SKAP2: variants seen among roughly 807,000 people sequenced by gnomAD.
SKAP2 encodes src kinase-associated phosphoprotein 2.
SKAP2 carries 28 observed loss-of-function variants against 54.9 expected under a neutral mutation model. That is an observed-to-expected ratio of 0.51 (90% CI 0.38 to 0.70). The LOEUF is 0.70. Among genes scored for constraint, SKAP2 ranks in the 30% least tolerant of loss-of-function variants. The pLI, the probability that SKAP2 is intolerant of heterozygous loss-of-function variation, is 0.00. For synonymous variants in SKAP2, 137 were observed against 134.3 expected (o/e 1.02, Z -0.14); for missense variants, 356 against 424.1 (o/e 0.84, Z 1.41).
intron 4 of SKAP2, among the ~76,000 whole-genome samples, chr7:26,829,975 A>G (rs1011606583): frequency 6.6e-6 from 1 of 152,234 alleles, no homozygotes; most frequent in African/African-American, 2.4e-5. Context: ...ATAATAGTCA[A>G]AAAGAGTAAA....
downstream of SKAP2, among the ~76,000 whole-genome samples, chr7:26,666,426 A>C (rs1372298887): frequency 6.6e-6 from 1 of 152,296 alleles, no homozygotes; most frequent in African/African-American, 2.4e-5. Context: ...GAGTGCAGAA[A>C]TTACATGAAA....
intron 9 of SKAP2, among the ~76,000 whole-genome samples, chr7:26,709,630 A>G (rs2127949458): frequency 6.6e-6 from 1 of 152,328 alleles, no homozygotes; most frequent in East Asian, 1.9e-4. Context: ...ACTTTTAAAT[A>G]TAAAATGTAC....
chr7:26,720,173 C>T (rs1307125027), intron 9 of SKAP2, among the ~76,000 whole-genome samples: 1 of 152,242 alleles, frequency 6.6e-6, no homozygotes, highest in South Asian at 2.1e-4. Context: ...GGCTGGGAAC[C>T]ACTGATGTAG....
chr7:26,767,993 C>G (rs1032353455), intron 4 of SKAP2, among the ~76,000 whole-genome samples: 1 of 152,172 alleles, frequency 6.6e-6, no homozygotes, highest in Non-Finnish European at 1.5e-5. Context: ...TGGTTCAGAG[C>G]TGAGTTCAAG....
intron 9 of SKAP2, among the ~76,000 whole-genome samples, chr7:26,721,600 GT>G: frequency 6.6e-6 from 1 of 152,214 alleles, no homozygotes; most frequent in East Asian, 1.9e-4. Context: ...TTGTCTTCCT[GT>G]TTTATGTTGC....
At position 26,670,120 on chromosome 7, in the gene SKAP2, T is replaced by C. The variant is rs1786195759; in HGVS notation, c.1060A>G (p.Met354Val). The C allele has an allele frequency of 6.6e-7, 1 of 1,525,920 alleles. No individual in the cohort carries two copies. Among genetic ancestry groups the C allele is most frequent in the Non-Finnish European group, 9.1e-7 (1 of 1,099,648 alleles). 94.5% of individuals were successfully genotyped at this position (1,525,920 alleles called of 1,614,324 possible). A position where few individuals can be genotyped will look rare whatever the true frequency, so the allele number is the denominator to read the frequency against. ...GACTCTCAAATATCATACATCTCCA[T>C]TATGTAGGCTTTAGGCACCAAGCCA... ...AIGLVPKAYI[M>V]EMYDI is the part of the protein sequence containing the mutation. The change falls in exon 12 of 13, where the codon ATG becomes GTG. Residue 354 changes from methionine to valine, a missense_variant. Met to Val is a conservative substitution (Grantham distance 21). Transcript: ENST00000345317.
intron 1 of SKAP2, among the ~76,000 whole-genome samples, chr7:26,862,499 TTAA>T (rs1402556373): frequency 2.6e-5 from 4 of 152,038 alleles, no homozygotes; most frequent in African/African-American, 9.7e-5. Context: ...GTGATTTGCT[TTAA>T]TAATATAAAA....
rs144603441 is a variant in SKAP2 at position 26,704,930 on chromosome 7, C to T, written c.797-14568G>A. On this transcript the variant is annotated intron_variant, in intron 9 of 12. Transcript: ENST00000345317. ...CTTACTTGGATTCCAGAAATAAAGC[C>T]AACATCAACAAAATGTCTGCTCTTA... 2.5e-3 allele frequency among the ~76,000 whole-genome samples: 388 copies of T among 152,280 alleles called. 4 individuals carry two copies. The highest frequency in any genetic ancestry group is 3.0e-3 in the Non-Finnish European group (207 of 68,012).
chr7:26,855,501 G>A (rs1326282977), intron 1 of SKAP2, among the ~76,000 whole-genome samples: 1 of 152,046 alleles, frequency 6.6e-6, no homozygotes, highest in Non-Finnish European at 1.5e-5. Flanking sequence ...ATAACCAGCT[G>A]TGTAGTTTTG....
chr7:26,835,561 G>A (rs1443231427), intron 4 of SKAP2, among the ~76,000 whole-genome samples: 1 of 152,048 alleles, frequency 6.6e-6, no homozygotes, highest in African/African-American at 2.4e-5. Flanking sequence ...TAGACAAACA[G>A]CCAAATCATG....
At chr7:26,786,640 T>C (rs978694319) in intron 4 of SKAP2, among the ~76,000 whole-genome samples, 1 of 152,210 alleles carries the variant, frequency 6.6e-6, no homozygotes, top group Non-Finnish European at 1.5e-5. Flanking sequence ...CCTGTGTGCA[T>C]GTGCTCCATA....
chr7:26,683,535 T>TGGAAGGAAGGAAGGAAGGAA (rs145108418), intron 11 of SKAP2, among the ~76,000 whole-genome samples: 3,306 of 147,124 alleles, frequency 0.022, 97 homozygotes, highest in African/African-American at 0.063. Context: ...GATGGATGGA[T>TGGAAGGAAGGAAGGAAGGAA]GGAAGGAAGG....
intron 9 of SKAP2, among the ~76,000 whole-genome samples, chr7:26,697,529 T>C (rs947539106): frequency 3.3e-5 from 5 of 152,166 alleles, no homozygotes; most frequent in African/African-American, 9.7e-5. Flanking sequence ...TTTATTAAAG[T>C]TTATAACAAA....
At chr7:26,694,946 C>T (rs1004412250) in intron 9 of SKAP2, among the ~76,000 whole-genome samples, 8 of 151,974 alleles carry the variant, frequency 5.3e-5, no homozygotes, top group Admixed American at 6.6e-5. Context: ...TTACGGCTTA[C>T]TAATGTTCTT....
At chr7:26,850,244 T>C (rs2127997516) in intron 3 of SKAP2, among the ~76,000 whole-genome samples, 1 of 152,190 alleles carries the variant, frequency 6.6e-6, no homozygotes, top group East Asian at 1.9e-4. Context: ...TACTTTATAA[T>C]ATGAGGCAAT....
intron 11 of SKAP2, among the ~76,000 whole-genome samples, chr7:26,673,570 T>C (rs1224554415): frequency 2.0e-5 from 3 of 152,094 alleles, no homozygotes; most frequent in East Asian, 1.9e-4. Flanking sequence ...GTGATGCTTA[T>C]TGTATAAAAA....
chr7:26,827,734 A>G lies in SKAP2; in HGVS notation c.307+16296T>C, dbSNP rs192465353. Reference sequence around the variant, plus strand: ...CAACAACAAAAACATAAATTACTAGAAAAAAGATCACGTACTTAGATAAGG... The same window carrying G: ...CAACAACAAAAACATAAATTACTAGGAAAAAGATCACGTACTTAGATAAGG... On this transcript the variant is annotated intron_variant, in intron 4 of 12. Transcript: ENST00000345317. 8.4e-3 allele frequency among the ~76,000 whole-genome samples: 1,273 copies of G among 152,326 alleles called. 25 individuals are homozygous for G. Among genetic ancestry groups the G allele is most frequent in the South Asian group, 0.011 (51 of 4,826 alleles).
At chr7:26,725,351 C>T (rs1787677350) in intron 9 of SKAP2, 77 bp downstream of exon 9, 5 of 1,077,626 alleles carry the variant, frequency 4.6e-6, no homozygotes, top group Non-Finnish European at 6.6e-6. Context: ...ACAAATCACA[C>T]ACACAAACAC....
chr7:26,810,198 T>G (rs895216952), intron 4 of SKAP2, among the ~76,000 whole-genome samples: 10 of 151,966 alleles, frequency 6.6e-5, no homozygotes, highest in Admixed American at 4.6e-4. Flanking sequence ...AGCCAGTCAT[T>G]GTGGTACACC....
Sources: allele counts gnomAD v4.1 joint callset (sites outside exome capture counted in the v4.1 genomes callset), GRCh38; gene constraint gnomAD v4.1.1; transcripts MANE v1.5; gene names NCBI Gene and HGNC (gene_info 2026-07-23, HGNC 2026-07-21).